Variants in ZMAT4 observed in about 807,000 individuals in gnomAD.
The protein encoded by ZMAT4 is zinc finger matrin-type protein 4.
In ZMAT4, 17 loss-of-function variants were observed where a neutral mutation model predicts 28.7. That is an observed-to-expected ratio of 0.59 (90% CI 0.41 to 0.89). ZMAT4 has a LOEUF of 0.89. Among genes scored for constraint, ZMAT4 ranks in the 40% least tolerant of loss-of-function variants. The pLI, the probability that ZMAT4 is intolerant of heterozygous loss-of-function variation, is 0.00. For missense variants in ZMAT4, 240 were observed against 283.8 expected (o/e 0.85, Z 1.11); for synonymous variants, 117 against 109.2 (o/e 1.07, Z -0.44).
At chr8:40,655,628 G>C (rs1807884116) in intron 5 of ZMAT4, among the ~76,000 whole-genome samples, 2 of 151,740 alleles carry the variant, frequency 1.3e-5, no homozygotes, top group Admixed American at 6.6e-5. Flanking sequence ...TAATGGAATA[G>C]AATTGATAGG....
At chr8:40,734,606 C>A (rs765421030) in intron 3 of ZMAT4, among the ~76,000 whole-genome samples, 20 of 152,122 alleles carry the variant, frequency 1.3e-4, no homozygotes, top group Non-Finnish European at 2.8e-4. Context: ...CTGGTAATCA[C>A]CCGTCTCTCA....
intron 3 of ZMAT4, among the ~76,000 whole-genome samples, chr8:40,756,122 G>C (rs565567876): frequency 2.0e-4 from 31 of 152,134 alleles, no homozygotes; most frequent in African/African-American, 7.0e-4. Context: ...GGGGTACTTT[G>C]AGTGGGGGAA....
intron 1 of ZMAT4, among the ~76,000 whole-genome samples, chr8:40,874,112 C>T (rs1425770401): frequency 1.3e-5 from 2 of 152,182 alleles, no homozygotes; most frequent in Admixed American, 6.5e-5. Context: ...GTAACTTCCG[C>T]CCCAGACACT....
chr8:40,538,025 T>C (rs1802902070), intron 6 of ZMAT4, among the ~76,000 whole-genome samples: 1 of 152,214 alleles, frequency 6.6e-6, no homozygotes, highest in African/African-American at 2.4e-5. Flanking sequence ...GACTTCCTGC[T>C]CAGCCAGGGC....
chr8:40,791,898 T>C (rs1399457344), intron 2 of ZMAT4, among the ~76,000 whole-genome samples: 1 of 152,098 alleles, frequency 6.6e-6, no homozygotes, highest in African/African-American at 2.4e-5. Context: ...ACCAGCTAAC[T>C]TCATCAGGAG....
intron 5 of ZMAT4, among the ~76,000 whole-genome samples, chr8:40,608,327 T>A (rs1805673684): frequency 6.6e-6 from 1 of 152,146 alleles, no homozygotes; most frequent in African/African-American, 2.4e-5. Flanking sequence ...CTGCCTCTGC[T>A]GCATCATCTA....
chr8:40,674,080 C>CTTTTTTTTTTT (rs59753899), intron 5 of ZMAT4, among the ~76,000 whole-genome samples: 13 of 107,240 alleles, frequency 1.2e-4, no homozygotes, highest in East Asian at 6.4e-4. Context: ...TTTTTATCAT[C>CTTTTTTTTTTT]TTTTTTTTTT....
At chr8:40,532,302 C>T in intron 6 of ZMAT4, 64 bp from the exon 7 acceptor site, 2 of 1,463,500 alleles carry the variant, frequency 1.4e-6, no homozygotes, top group East Asian at 2.4e-5. Flanking sequence ...ACACCTCTTT[C>T]TCCCCCCCAC....
At chr8:40,675,344 T>C (rs969567398) in intron 4 of ZMAT4, among the ~76,000 whole-genome samples, 3 of 152,032 alleles carry the variant, frequency 2.0e-5, no homozygotes, top group African/African-American at 7.3e-5. Flanking sequence ...TGCATTCTGC[T>C]CTAACATTGG....
chr8:40,738,997 T>TAGA (rs1811889383), intron 3 of ZMAT4, among the ~76,000 whole-genome samples: 1 of 152,226 alleles, frequency 6.6e-6, no homozygotes, highest in Admixed American at 6.5e-5. Context: ...CCCTCTTTAC[T>TAGA]AGAACCCCTG....
chr8:40,801,351 A>AAAAATATATAT (rs370796453), intron 2 of ZMAT4, among the ~76,000 whole-genome samples: 5 of 97,258 alleles, frequency 5.1e-5, no homozygotes, highest in African/African-American at 1.9e-4. Context: ...TAAAAAAAAA[A>AAAAATATATAT]ATATATATAT....
chr8:40,832,772 A>T (rs1178396841), intron 1 of ZMAT4, among the ~76,000 whole-genome samples: 1 of 152,234 alleles, frequency 6.6e-6, no homozygotes, highest in African/African-American at 2.4e-5. Flanking sequence ...GCCAATTTTA[A>T]AATTATTCCT....
At chr8:40,887,276 G>T (rs1313257122) in intron 1 of ZMAT4, among the ~76,000 whole-genome samples, 3 of 151,744 alleles carry the variant, frequency 2.0e-5, no homozygotes, top group Non-Finnish European at 2.9e-5. Context: ...ATCACCTGAG[G>T]TTGGGAGTTC....
chr8:40,849,721 G>A (rs568951423), intron 1 of ZMAT4, among the ~76,000 whole-genome samples: 4 of 152,286 alleles, frequency 2.6e-5, no homozygotes, highest in East Asian at 1.9e-4. Context: ...TATTATGTGC[G>A]TGTGTGTGTC....
At chr8:40,855,741 T>A (rs1364001107) in intron 1 of ZMAT4, among the ~76,000 whole-genome samples, 1 of 151,938 alleles carries the variant, frequency 6.6e-6, no homozygotes, top group Non-Finnish European at 1.5e-5. Flanking sequence ...AGTAGTGTGA[T>A]CATGGCTCAC....
At chr8:40,698,061 G>A (rs1031581919) in intron 3 of ZMAT4, among the ~76,000 whole-genome samples, 1 of 152,138 alleles carries the variant, frequency 6.6e-6, no homozygotes, top group Non-Finnish European at 1.5e-5. Context: ...CAGGATACAT[G>A]GCCATGATGT....
intron 6 of ZMAT4, among the ~76,000 whole-genome samples, chr8:40,538,834 G>A (rs980318829): frequency 1.3e-5 from 2 of 151,818 alleles, no homozygotes; most frequent in African/African-American, 4.8e-5. Context: ...CCAGGCTGGA[G>A]TGGTGCAGTG....
At chr8:40,565,964 ACTTTT>A (rs1342486054) in intron 6 of ZMAT4, among the ~76,000 whole-genome samples, 1 of 152,030 alleles carries the variant, frequency 6.6e-6, no homozygotes, top group Non-Finnish European at 1.5e-5. Context: ...AATTTGGGTG[ACTTTT>A]CTGGAATCAT....
At chr8:40,697,858 T>C (rs1809966786) in intron 3 of ZMAT4, among the ~76,000 whole-genome samples, 1 of 152,076 alleles carries the variant, frequency 6.6e-6, no homozygotes, top group Non-Finnish European at 1.5e-5. Context: ...TAGAGATGAG[T>C]TATCCAAATA....
Sources: gnomAD v4.1 joint callset for allele counts (sites outside exome capture counted in the v4.1 genomes callset) on GRCh38, gnomAD v4.1.1 for gene constraint, MANE v1.5 for transcripts, NCBI Gene and HGNC (gene_info 2026-07-23, HGNC 2026-07-21) for gene names.